ZNF600: variants seen among roughly 807,000 people sequenced by gnomAD.
ZNF600 encodes the protein zinc finger protein 600.
ZNF600 carries 4 observed loss-of-function variants against 7.3 expected under a neutral mutation model. That is an observed-to-expected ratio of 0.55 (90% CI 0.27 to 1.25). The LOEUF (loss-of-function observed/expected upper bound fraction) is 1.25, where lower values mean the gene tolerates loss of function less well. Among genes scored for constraint, ZNF600 ranks in the 50% most tolerant of loss-of-function variants. The probability of loss-of-function intolerance (pLI) is 0.12; values close to 1 mark genes in which losing one functional copy is unlikely to be tolerated. For missense variants in ZNF600, 911 were observed against 922.1 expected (o/e 0.99, Z 0.16); for synonymous variants, 290 against 308.9 (o/e 0.94, Z 0.64).
chr19:52,764,506 A>C (rs1312833112), downstream of ZNF600: 2 of 146,492 alleles, frequency 1.4e-5, no homozygotes, highest in Non-Finnish European at 3.0e-5. Context: ...GCCACCATCC[A>C]GCTTTGATAT....
the ZNF600 span, among the ~76,000 whole-genome samples, chr19:52,822,074 C>CTTTTTTTTTTTTTTTTTTTT: frequency 5.1e-5 from 4 of 78,696 alleles, no homozygotes; most frequent in Admixed American, 1.6e-4. Context: ...TTCTTTTTCC[C>CTTTTTTTTTTTTTTTTTTTT]TTTTTTTTTT....
At chr19:52,799,168 C>T in the ZNF600 span, 2 of 409,794 alleles carry the variant, frequency 4.9e-6, no homozygotes, top group Non-Finnish European at 4.7e-6. Context: ...AAAACTATGC[C>T]ACATTCATTA....
chr19:52,773,730 G>A (rs1264788448), intron 3 of ZNF600, among the ~76,000 whole-genome samples: 2 of 151,910 alleles, frequency 1.3e-5, no homozygotes, highest in African/African-American at 2.4e-5. Flanking sequence ...ATATTAGCCC[G>A]GCATGGTGGT....
the ZNF600 span, among the ~76,000 whole-genome samples, chr19:52,815,075 G>A: frequency 1.8e-5 from 2 of 108,886 alleles, no homozygotes; most frequent in East Asian, 4.1e-4. Flanking sequence ...GTATAGATAT[G>A]TGTGTATGTG....
At chr19:52,796,200 C>A in the ZNF600 span, among the ~76,000 whole-genome samples, 1 of 152,140 alleles carries the variant, frequency 6.6e-6, no homozygotes, top group Non-Finnish European at 1.5e-5. Flanking sequence ...AGAGGAAACA[C>A]ATGCGTCCTG....
chr19:52,767,371 G>A (rs202167068), exon 4 of ZNF600: 9 of 1,613,992 alleles, frequency 5.6e-6, no homozygotes, highest in Non-Finnish European at 7.6e-6. Context: ...TGGGGCCTAG[G>A]AGAAATTCTT....
the ZNF600 span, chr19:52,801,497 G>C: frequency 1.5e-5 from 25 of 1,614,014 alleles, no homozygotes; most frequent in Admixed American, 2.3e-4. Context: ...TCAACTCTTT[G>C]ATTTCTGTCA....
chr19:52,776,379 A>C (rs185959270), intron 2 of ZNF600, among the ~76,000 whole-genome samples: 2 of 151,986 alleles, frequency 1.3e-5, no homozygotes, highest in Non-Finnish European at 1.5e-5. Flanking sequence ...GAATGGACAC[A>C]CACAGGCATA....
chr19:52,801,557 G>A, the ZNF600 span: 1 of 1,614,188 alleles, frequency 6.2e-7, no homozygotes, highest in Admixed American at 1.7e-5. Context: ...GAAACTGGAA[G>A]CCATGAATGT....
the ZNF600 span, among the ~76,000 whole-genome samples, chr19:52,829,370 CCCT>C: frequency 7.3e-6 from 1 of 136,646 alleles, no homozygotes; most frequent in Non-Finnish European, 1.6e-5. Flanking sequence ...CCCCCCTCCC[CCCT>C]ATTTTTTTCT....
chr19:52,813,450 C>T, the ZNF600 span, among the ~76,000 whole-genome samples: 3 of 120,662 alleles, frequency 2.5e-5, no homozygotes, highest in Admixed American at 8.5e-5. Context: ...ACTTCGCCCC[C>T]GTAGGGGCTG....
At chr19:52,774,616 C>T (rs895728405) in exon 3 of ZNF600, 2 of 985,252 alleles carry the variant, frequency 2.0e-6, no homozygotes, top group African/African-American at 3.5e-5. Context: ...CATCACTTCC[C>T]TGTACAAAGC....
chr19:52,780,134 C>T (rs1323220901), intron 1 of ZNF600, among the ~76,000 whole-genome samples: 2 of 152,182 alleles, frequency 1.3e-5, no homozygotes, highest in Non-Finnish European at 2.9e-5. Flanking sequence ...CCTTCCCAGA[C>T]CAAATCAATG....
At chr19:52,809,647 A>T in the ZNF600 span, among the ~76,000 whole-genome samples, 2 of 152,206 alleles carry the variant, frequency 1.3e-5, no homozygotes, top group African/African-American at 4.8e-5. Context: ...CTCTACTAAA[A>T]ATACAAAAAA....
chr19:52,812,496 T>G, the ZNF600 span, among the ~76,000 whole-genome samples: 2 of 123,902 alleles, frequency 1.6e-5, no homozygotes, highest in Admixed American at 8.1e-5. Flanking sequence ...AAACATGTGC[T>G]GTGTCCACTC....
the ZNF600 span, among the ~76,000 whole-genome samples, chr19:52,822,084 T>TTTTC: frequency 5.7e-5 from 8 of 139,182 alleles, no homozygotes; most frequent in African/African-American, 2.1e-4. Flanking sequence ...CTTTTTTTTT[T>TTTTC]TTTTTTTTTT....
At chr19:52,772,422 G>T (rs1225917420) in intron 3 of ZNF600, among the ~76,000 whole-genome samples, 1 of 152,108 alleles carries the variant, frequency 6.6e-6, no homozygotes, top group African/African-American at 2.4e-5. Flanking sequence ...GGCCAACATG[G>T]TGAAACCCCA....
chr19:52,777,266 T>A (rs1373414763), intron 2 of ZNF600, among the ~76,000 whole-genome samples: 1 of 151,422 alleles, frequency 6.6e-6, no homozygotes, highest in African/African-American at 2.4e-5. Flanking sequence ...TAATCCCAGA[T>A]ACTCGGGAGG....
At chr19:52,766,368 A>G (rs781765486) in exon 4 of ZNF600, 3 of 1,614,152 alleles carry the variant, frequency 1.9e-6, no homozygotes. Context: ...TCCGGTGTGA[A>G]TTATCTTATG....
Sources: allele counts gnomAD v4.1 joint callset (sites outside exome capture counted in the v4.1 genomes callset), GRCh38; gene constraint gnomAD v4.1.1; transcripts MANE v1.5; gene names NCBI Gene and HGNC (gene_info 2026-07-23, HGNC 2026-07-21).